The following ZNF862 variants were observed in gnomAD, a reference collection of about 807,000 sequenced individuals.
The protein encoded by ZNF862 is zinc finger protein 862.
In ZNF862, 64 loss-of-function variants were observed where a neutral mutation model predicts 91.1. That is an observed-to-expected ratio of 0.70 (90% CI 0.57 to 0.87). ZNF862 has a LOEUF of 0.87. Ranked by LOEUF, ZNF862 falls within the 40% of genes least tolerant of loss-of-function variation. The probability of loss-of-function intolerance (pLI) is 0.00; values close to 1 mark genes in which losing one functional copy is unlikely to be tolerated. For missense variants in ZNF862, 1,459 were observed against 1,528.0 expected (o/e 0.95, Z 0.75); for synonymous variants, 631 against 618.1 (o/e 1.02, Z -0.31).
In ZNF862 at chr7:149,860,704, C is replaced by T; in HGVS notation, c.1544C>T (p.Thr515Ile). The stretch of plus-strand genomic sequence containing the variant: ...TACACGGGGCCTTTTAAAGTGGAGA[C>T]TTTAAAATACCATGAAGTCAGCAAA... ...RGYTGPFKVE[T>I]LKYHEVSKAH... The change falls in exon 7 of 8, where the codon ACT (threonine) becomes ATT (isoleucine). Residue 515 changes from threonine (T) to isoleucine (I), a missense_variant. Transcript: ENST00000223210. 1 of 1,613,952 alleles carries T rather than the reference C, an allele frequency of 6.2e-7. No individual in the cohort carries two copies. Among genetic ancestry groups the T allele is most frequent in the Middle Eastern group, 1.6e-4 (1 of 6,062 alleles).
intron 1 of ZNF862, chr7:149,841,749 CCTCT>C (rs1470019750): frequency 3.7e-5 from 36 of 985,262 alleles, no homozygotes; most frequent in Middle Eastern, 1.0e-3. Context: ...GTTTCTTGGC[CCTCT>C]CTATCTTTCC....
rs1274330907 is a variant in ZNF862, at chr7:149,860,653, A to G, written c.1493A>G (p.Asp498Gly). ...SACIERPNLHDKSSRLVRGYT... is the reference protein window; with the variant it reads ...SACIERPNLHGKSSRLVRGYT... ...TGCATAGAAAGACCTAATCTCCATGATAAATCATCTCGGTTAGTCAGAGGT... is the reference window on the plus strand; with the variant it reads ...TGCATAGAAAGACCTAATCTCCATGGTAAATCATCTCGGTTAGTCAGAGGT... Residue 498 changes from aspartate to glycine, a missense_variant, in exon 7 of 8, where the codon GAT becomes GGT. Transcript: ENST00000223210. 6.2e-7 allele frequency: 1 copy of G among 1,613,930 alleles called. No individual in the cohort carries two copies. The highest frequency in any genetic ancestry group is 2.2e-5 in the East Asian group (1 of 44,894).
Position 149,860,789 on chromosome 7 carries a change from C to G in ZNF862, c.1629C>G (p.Leu543=), listed in dbSNP as rs190087082. Residue 543 remains leucine, a synonymous_variant, in exon 7 of 8, where the codon CTC becomes CTG. Coordinates refer to ENST00000223210, the MANE Select transcript of ZNF862 (RefSeq NM_001099220.3). Reference sequence around the variant, plus strand: ...AGGAAGACACCCCTCACACTGCCCTCGTTCCAGAGATCTCCAGCGACCTCA... The same window carrying G: ...AGGAAGACACCCCTCACACTGCCCTGGTTCCAGAGATCTCCAGCGACCTCA... ...EIKEDTPHTA[L]VPEISSDLMA... is the part of the protein sequence containing the mutation. 1.9e-6 allele frequency: 3 copies of G among 1,613,870 alleles called. No homozygotes were observed. The highest frequency in any genetic ancestry group is 3.3e-5 in the Admixed American group (2 of 60,030).
In ZNF862 at chr7:149,848,426, C is replaced by A; in HGVS notation, c.933C>A (p.Cys311Ter). The A allele has an allele frequency of 1.3e-6, 2 of 1,529,772 alleles. No homozygotes were observed. Among genetic ancestry groups the A allele is most frequent in the Non-Finnish European group, 1.8e-6 (2 of 1,136,806 alleles). 94.8% of individuals were successfully genotyped at this position (1,529,772 alleles called of 1,614,324 possible). ...NILYNDAVESCIQDPSAEGLS... is the reference protein window; with the variant it reads ...NILYNDAVES Reference sequence around the variant, plus strand: ...TATATAATGATGCAGTAGAATCCTGCATTCAGGTAATACGTTTATAATGAT... The same window carrying A: ...TATATAATGATGCAGTAGAATCCTGAATTCAGGTAATACGTTTATAATGAT... Residue 311 changes from cysteine (C) to a stop codon, truncating the protein, a stop_gained, in exon 4 of 8, where the codon TGC becomes TGA. Coordinates refer to ENST00000223210, the MANE Select transcript of ZNF862 (RefSeq NM_001099220.3). LOFTEE classifies it high-confidence loss of function.
intron 1 of ZNF862, among the ~76,000 whole-genome samples, chr7:149,844,275 A>G (rs1447233977): frequency 6.6e-6 from 1 of 152,168 alleles, no homozygotes; most frequent in African/African-American, 2.4e-5. Context: ...AAGGTTTACC[A>G]TGTTTAAGGT....
rs772760245 is a variant in ZNF862, at chr7:149,862,428, ACCT to A, written c.3273_3275del (p.Ser1092del). 6.2e-6 allele frequency: 10 copies of A among 1,611,686 alleles called. No homozygotes were observed. In the Admixed American group the frequency reaches 1.5e-4, roughly 24 times the overall value. ...GCCCGCCATCCAGCACTGGTACCTG[ACCT>A]CCTCAGGCCGGCGTTTCAGCCATGT... On this transcript the variant is annotated inframe_deletion, in exon 7 of 8. Transcript: ENST00000223210.
chr7:149,864,037 C>A, intron 7 of ZNF862, 72 bp from the exon 8 acceptor site: 1 of 1,486,550 alleles, frequency 6.7e-7, no homozygotes. Context: ...CCAAACAGCC[C>A]CTGGGCGAAG....
intron 6 of ZNF862, 60 bp from the exon 7 acceptor site, chr7:149,860,323 T>C: frequency 6.7e-7 from 1 of 1,492,006 alleles, no homozygotes; most frequent in East Asian, 2.3e-5. Context: ...GTGTCTTAGC[T>C]GATAGAAGAT....
At chr7:149,852,337 T>TTGTGTGTG (rs10674865) in intron 5 of ZNF862, among the ~76,000 whole-genome samples, 1,779 of 140,466 alleles carry the variant, frequency 0.013, 25 homozygotes, top group African/African-American at 0.033. Context: ...GAACTCAGTT[T>TTGTGTGTG]TGTGTGTGTG....
rs73168078 is a variant in ZNF862 at position 149,866,122 on chromosome 7, G to C, written c.*1838G>C. On this transcript the variant is annotated 3_prime_UTR_variant, in exon 8 of 8. Transcript: ENST00000223210. ...ACTTAGCCTTAGCACTGTTGCTTTC[G>C]TGTCATTTTCAGTTCTAGTCAGGAA... The C allele has an allele frequency of 2.0e-5, 3 of 152,060 alleles. No homozygotes were observed. The highest frequency in any genetic ancestry group is 4.4e-5 in the Non-Finnish European group (3 of 68,040). 9.4% of individuals were successfully genotyped at this position (152,060 alleles called of 1,614,324 possible).
Position 149,862,426 on chromosome 7 carries a change from T to C in ZNF862, c.3266T>C (p.Leu1089Pro), listed in dbSNP as rs759234354. Reference sequence around the variant, plus strand: ...CAGCCCGCCATCCAGCACTGGTACCTGACCTCCTCAGGCCGGCGTTTCAGC... The same window carrying C: ...CAGCCCGCCATCCAGCACTGGTACCCGACCTCCTCAGGCCGGCGTTTCAGC... ...DPQPAIQHWY[L>P]TSSGRRFSHV... Residue 1089 changes from leucine to proline, a missense_variant, in exon 7 of 8, where the codon CTG becomes CCG. Coordinates refer to ENST00000223210, the MANE Select transcript of ZNF862 (RefSeq NM_001099220.3). The C allele has an allele frequency of 6.2e-7, 1 of 1,612,426 alleles. No individual in the cohort carries two copies. Among genetic ancestry groups the C allele is most frequent in the Admixed American group, 1.7e-5 (1 of 59,942 alleles).
intron 5 of ZNF862, among the ~76,000 whole-genome samples, chr7:149,854,954 T>C (rs1287241999): frequency 6.6e-6 from 1 of 152,212 alleles, no homozygotes; most frequent in African/African-American, 2.4e-5. Flanking sequence ...CAGTGTGACC[T>C]CTCATCCTGT....
chr7:149,846,118 C>T, intron 2 of ZNF862, 33 bp from the exon 3 acceptor site: 3 of 1,520,168 alleles, frequency 2.0e-6, no homozygotes, highest in Non-Finnish European at 1.8e-6. Context: ...GCTTTTCTCT[C>T]TCTCTCGCTC....
At chr7:149,848,581 G>T in intron 4 of ZNF862, 149 bp downstream of exon 4, 1 of 646,290 alleles carries the variant, frequency 1.5e-6, no homozygotes, top group Non-Finnish European at 2.5e-6. Context: ...TGCTTATCAT[G>T]GACTAGGCAT....
Position 149,864,229 on chromosome 7 carries a change from C to T in ZNF862, c.3455C>T (p.Pro1152Leu). ...AEVLKDCIME[P>L]PERLLYPHTS... ...GTTCTGAAGGACTGCATCATGGAGC[C>T]TCCCGAGAGACTCCTGTATCCCCAC... The change falls in exon 8 of 8, where the codon CCT becomes CTT. Residue 1152 changes from proline (P) to leucine (L), a missense_variant. Transcript: ENST00000223210. 4 of 1,601,594 alleles carry T rather than the reference C, an allele frequency of 2.5e-6. No individual in the cohort carries two copies. Among genetic ancestry groups the T allele is most frequent in the Non-Finnish European group, 2.6e-6 (3 of 1,174,618 alleles).
At chr7:149,847,302 A>T (rs1801902980) in intron 3 of ZNF862, among the ~76,000 whole-genome samples, 1 of 152,204 alleles carries the variant, frequency 6.6e-6, no homozygotes, top group Non-Finnish European at 1.5e-5. Context: ...CCTGCCCAGG[A>T]GATAGGTAGC....
At chr7:149,851,897 T>G (rs1439972520) in intron 5 of ZNF862, 1 of 152,148 alleles carries the variant, frequency 6.6e-6, no homozygotes, top group African/African-American at 2.4e-5. Context: ...AAAGGCTTTC[T>G]AGGGGGTGGG....
chr7:149,841,216 C>T (rs2128935263), intron 1 of ZNF862: 2 of 985,396 alleles, frequency 2.0e-6, no homozygotes, highest in Middle Eastern at 5.2e-4. Context: ...TCTTATGGCT[C>T]AGAACTGGGA....
intron 2 of ZNF862, 66 bp downstream of exon 2, chr7:149,844,802 T>C: frequency 9.2e-7 from 1 of 1,081,314 alleles, no homozygotes; most frequent in Non-Finnish European, 1.4e-6. Context: ...CTCATCTGCG[T>C]CAGGAACACT....
Sources: allele counts gnomAD v4.1 joint callset (sites outside exome capture counted in the v4.1 genomes callset), GRCh38; gene constraint gnomAD v4.1.1; transcripts MANE v1.5; gene names NCBI Gene and HGNC (gene_info 2026-07-23, HGNC 2026-07-21).